LOXHD1: variants seen among roughly 807,000 people sequenced by gnomAD.
LOXHD1 encodes lipoxygenase homology PLAT domains 1.
Under a neutral mutation model 248.2 loss-of-function variants are expected in LOXHD1, and 205 were observed. That is an observed-to-expected ratio of 0.83 (90% CI 0.74 to 0.93). LOXHD1 has a LOEUF of 0.93. Ranked by LOEUF, LOXHD1 falls within the 40% of genes least tolerant of loss-of-function variation. The probability of loss-of-function intolerance (pLI) is 0.00; values close to 1 mark genes in which losing one functional copy is unlikely to be tolerated. For synonymous variants in LOXHD1, 1,113 were observed against 1,162.8 expected, an observed-to-expected ratio of 0.96 and a Z score of 0.87; for missense variants, 2,930 against 2,971.6, an observed-to-expected ratio of 0.99 and a Z score of 0.33.
chr18:46,606,326 T>C (rs1388416629), intron 6 of LOXHD1, among the ~76,000 whole-genome samples: 5 of 142,844 alleles, frequency 3.5e-5, no homozygotes. Context: ...AGTATAATAG[T>C]ATACTGTATA....
chr18:46,553,886 G>A (rs114814759), intron 21 of LOXHD1, among the ~76,000 whole-genome samples: 5,058 of 152,278 alleles, frequency 0.033, 278 homozygotes, highest in African/African-American at 0.11. Context: ...GCTAGGGAGC[G>A]TGGACAGCAA....
intron 8 of LOXHD1, among the ~76,000 whole-genome samples, chr18:46,595,873 G>A (rs944897685): frequency 6.6e-6 from 1 of 152,054 alleles, no homozygotes; most frequent in Non-Finnish European, 1.5e-5. Context: ...ACTGTGTATT[G>A]GTTAGTTTTG....
intron 28 of LOXHD1, 139 bp from the exon 29 acceptor site, chr18:46,529,470 C>T: frequency 1.1e-6 from 1 of 932,374 alleles, no homozygotes; most frequent in Non-Finnish European, 1.5e-6. Flanking sequence ...CTTTTGTTTG[C>T]TCAATTATGC....
At chr18:46,502,790 G>A (rs534676308) in intron 37 of LOXHD1, among the ~76,000 whole-genome samples, 8 of 152,124 alleles carry the variant, frequency 5.3e-5, no homozygotes, top group Non-Finnish European at 1.2e-4. Flanking sequence ...GGAAAAGTTG[G>A]GTCATCATAG....
intron 14 of LOXHD1, 45 bp from the exon 15 acceptor site, chr18:46,572,207 C>T: frequency 6.6e-7 from 1 of 1,506,158 alleles, no homozygotes; most frequent in African/African-American, 1.4e-5. Context: ...GTGGAGCAGG[C>T]AGACAATCAA....
At chr18:46,589,988 G>A (rs1479377989) in intron 12 of LOXHD1, among the ~76,000 whole-genome samples, 1 of 152,146 alleles carries the variant, frequency 6.6e-6, no homozygotes, top group Non-Finnish European at 1.5e-5. Context: ...CAATCTACAG[G>A]TTGCTTTAAA....
intron 2 of LOXHD1, among the ~76,000 whole-genome samples, chr18:46,643,811 G>A (rs1029068804): frequency 6.6e-6 from 1 of 152,004 alleles, no homozygotes; most frequent in Non-Finnish European, 1.5e-5. Flanking sequence ...GCTATATAAT[G>A]AAATACTTTG....
chr18:46,601,594 C>T (rs1346280043), intron 7 of LOXHD1, 127 bp from the exon 8 acceptor site: 3 of 1,291,074 alleles, frequency 2.3e-6, no homozygotes, highest in Non-Finnish European at 3.3e-6. Flanking sequence ...CTTTCCCCAT[C>T]ATGTCCTACT....
intron 12 of LOXHD1, among the ~76,000 whole-genome samples, chr18:46,589,807 A>G (rs1239549821): frequency 6.6e-6 from 1 of 152,136 alleles, no homozygotes; most frequent in Non-Finnish European, 1.5e-5. Flanking sequence ...AGTAAAGTAA[A>G]AGGAGGTCAT....
chr18:46,631,873 G>C (rs1412145213), intron 4 of LOXHD1, among the ~76,000 whole-genome samples: 1 of 152,178 alleles, frequency 6.6e-6, no homozygotes, highest in African/African-American at 2.4e-5. Flanking sequence ...ATTAGCACAG[G>C]GTGTCTAATA....
At chr18:46,602,098 A>T (rs188853249) in intron 7 of LOXHD1, among the ~76,000 whole-genome samples, 1 of 152,364 alleles carries the variant, frequency 6.6e-6, no homozygotes, top group East Asian at 1.9e-4. Context: ...GAACTAGCAA[A>T]GGGAGATTAA....
intron 25 of LOXHD1, among the ~76,000 whole-genome samples, chr18:46,538,806 C>T (rs531981920): frequency 3.9e-4 from 59 of 152,292 alleles, no homozygotes; most frequent in Admixed American, 3.2e-3. Context: ...CTGACTGGAT[C>T]GGCCAGTCTA....
intron 33 of LOXHD1, 75 bp downstream of exon 33, chr18:46,521,021 CT>C: frequency 6.7e-7 from 1 of 1,484,674 alleles, no homozygotes; most frequent in Non-Finnish European, 9.1e-7. Flanking sequence ...TCTTCCACTT[CT>C]GTCTCCCCTG....
At chr18:46,641,365 T>C (rs1022761931) in intron 3 of LOXHD1, among the ~76,000 whole-genome samples, 123 of 152,206 alleles carry the variant, frequency 8.1e-4, no homozygotes, top group African/African-American at 2.7e-3. Flanking sequence ...AGGGAGGCAA[T>C]TGAAGGCTCT....
Position 46,601,247 on chromosome 18 carries a change from C to A in LOXHD1, c.1104G>T (p.Val368=). 1 of 1,551,656 alleles carries A rather than the reference C, an allele frequency of 6.4e-7. No individual in the cohort carries two copies. Among genetic ancestry groups the A allele is most frequent in the Non-Finnish European group, 8.7e-7 (1 of 1,146,948 alleles). Residue 368 remains valine (V), a synonymous_variant, in exon 8 of 41, where the codon GTG becomes GTT. Coordinates refer to ENST00000642948, the MANE Select transcript of LOXHD1 (RefSeq NM_001384474.1). ...CACAGAACCAGCCTCTGTTGACACC[C>A]ACATTGCCATGCCCGACGGAGACCC... The part of the protein sequence containing the change: ...LSRVSVGHGN[V]GVNRGWFCEK...
intron 16 of LOXHD1, among the ~76,000 whole-genome samples, chr18:46,567,118 T>C (rs1336928195): frequency 6.6e-6 from 1 of 152,274 alleles, no homozygotes; most frequent in East Asian, 1.9e-4. Flanking sequence ...CATATCACCA[T>C]CCTTATATGT....
intron 4 of LOXHD1, among the ~76,000 whole-genome samples, chr18:46,624,889 C>T (rs11878066): frequency 0.087 from 13,188 of 152,118 alleles, 734 homozygotes; most frequent in African/African-American, 0.16. Context: ...ATACCCTCCA[C>T]CTTGCTCTCC....
At chr18:46,567,883 G>A (rs753084487) in intron 16 of LOXHD1, among the ~76,000 whole-genome samples, 3 of 152,088 alleles carry the variant, frequency 2.0e-5, no homozygotes, top group African/African-American at 4.8e-5. Flanking sequence ...CTTGTTGAGG[G>A]GGTTTCGGAA....
chr18:46,565,678 C>A (rs1206739520), intron 17 of LOXHD1, among the ~76,000 whole-genome samples: 1 of 152,152 alleles, frequency 6.6e-6, no homozygotes. Context: ...TCCTCCTATA[C>A]ACTTTAAATA....
Sources: gnomAD v4.1 joint callset for allele counts (sites outside exome capture counted in the v4.1 genomes callset) on GRCh38, gnomAD v4.1.1 for gene constraint, MANE v1.5 for transcripts, NCBI Gene and HGNC (gene_info 2026-07-23, HGNC 2026-07-21) for gene names.